DBNL: variants seen among roughly 807,000 people sequenced by gnomAD.
DBNL encodes drebrin like, also known as drebrin-like protein.
In DBNL, 35 loss-of-function variants were observed where a neutral mutation model predicts 62.2. The ratio of observed to expected loss-of-function variants is 0.56; its 90% CI spans 0.43 to 0.75. DBNL has a LOEUF of 0.75. DBNL is among the 30% of genes least tolerant of loss of function. The probability of loss-of-function intolerance (pLI) is 0.00; values close to 1 mark genes in which losing one functional copy is unlikely to be tolerated. For synonymous variants in DBNL, 197 were observed against 218.0 expected (o/e 0.90, Z 0.85); for missense variants, 495 against 578.4 (o/e 0.86, Z 1.48).
intron 1 of DBNL, among the ~76,000 whole-genome samples, chr7:44,045,378 C>T (rs967695037): frequency 1.3e-5 from 2 of 152,242 alleles, no homozygotes; most frequent in Non-Finnish European, 2.9e-5. Flanking sequence ...GACTTCAGAA[C>T]TTTCGTTTCT....
rs947777643 is a variant in DBNL, at chr7:44,065,875, C to G, written c.*4959C>G. 2.3e-6 allele frequency: 1 copy of G among 437,190 alleles called. No individual in the cohort carries two copies. The highest frequency in any genetic ancestry group is 4.3e-6 in the Non-Finnish European group (1 of 233,722). 27.1% of individuals were successfully genotyped at this position (437,190 alleles called of 1,614,324 possible). On this transcript the variant is annotated 3_prime_UTR_variant, in exon 13 of 13. Coordinates refer to ENST00000448521, the MANE Select transcript of DBNL (RefSeq NM_001014436.3). ...TCTGGGCCAGGGGAGATGGGGATAG[C>G]AGGGACAGAGGGGCTCTCCAGGGCA... is the stretch of plus-strand genomic sequence containing the variant.
At chr7:44,045,434 C>T (rs535945918) in intron 1 of DBNL, among the ~76,000 whole-genome samples, 5 of 152,324 alleles carry the variant, frequency 3.3e-5, no homozygotes, top group Admixed American at 3.3e-4. Context: ...GGAAGATGTA[C>T]GAAAGTAGGA....
At chr7:44,055,921 C>A (rs2096135420) in intron 4 of DBNL, among the ~76,000 whole-genome samples, 1 of 152,078 alleles carries the variant, frequency 6.6e-6, no homozygotes, top group Admixed American at 6.6e-5. Context: ...TTGATGTAGT[C>A]CAATTGGTTG....
At position 44,065,759 on chromosome 7, in the gene DBNL, C is replaced by T. The variant is rs1186078682; in HGVS notation, c.*4843C>T. ...CCCCACGCATCCACCAGCTCCTGGCCTGGGTTCAGGTGGCATGTCTATAAC... is the reference window on the plus strand; with the variant it reads ...CCCCACGCATCCACCAGCTCCTGGCTTGGGTTCAGGTGGCATGTCTATAAC... On this transcript the variant is annotated 3_prime_UTR_variant, in exon 13 of 13. Coordinates refer to ENST00000448521, the MANE Select transcript of DBNL (RefSeq NM_001014436.3). 1.7e-6 allele frequency: 1 copy of T among 596,320 alleles called. No homozygotes were observed. The highest frequency in any genetic ancestry group is 3.0e-6 in the Non-Finnish European group (1 of 332,362). The allele number at this position is 596,320 out of a possible 1,614,324, so 36.9% of individuals were successfully genotyped here.
Position 44,061,027 on chromosome 7 carries a change from A to C in DBNL, c.*111A>C. ...TCTTCCAGGAATAGGACCCCCAGTG[A>C]GGATGAGGCCTCAGGGCTCCCTCCG... On this transcript the variant is annotated 3_prime_UTR_variant, in exon 13 of 13. Coordinates refer to ENST00000448521, the MANE Select transcript of DBNL (RefSeq NM_001014436.3). The C allele has an allele frequency of 1.4e-6, 2 of 1,426,082 alleles. No individual in the cohort carries two copies. The highest frequency in any genetic ancestry group is 1.9e-6 in the Non-Finnish European group (2 of 1,071,854). 88.3% of individuals were successfully genotyped at this position (1,426,082 alleles called of 1,614,324 possible).
In DBNL at chr7:44,061,401, AT is replaced by A. The variant is rs2096148854; in HGVS notation, c.*486del. The A allele has an allele frequency of 1.3e-5, 2 of 159,238 alleles. No individual in the cohort carries two copies. The highest frequency in any genetic ancestry group is 1.4e-5 in the Non-Finnish European group (1 of 71,640). The allele number at this position is 159,238 out of a possible 1,614,324, so 9.9% of individuals were successfully genotyped here. ...TTTGTGACCAAAGTCAGAGTGGATC[AT>A]GGTGGTTTGGCAGCAGGGAATTTGT... On this transcript the variant is annotated 3_prime_UTR_variant, in exon 13 of 13. Coordinates refer to ENST00000448521, the MANE Select transcript of DBNL (RefSeq NM_001014436.3).
At position 44,047,668 on chromosome 7, in the gene DBNL, G is replaced by T. The variant is rs1253574497; in HGVS notation, c.84-2557G>T. 2.0e-5 allele frequency among the ~76,000 whole-genome samples: 3 copies of T among 152,152 alleles called. No homozygotes were observed. The East Asian group carries it at 5.8e-4, about 29-fold the overall frequency. ...TAGGCTCTCAGTACTTATTTTCAAAGGCACTATTGAATTATAAGATGCTTG... is the reference window on the plus strand; with the variant it reads ...TAGGCTCTCAGTACTTATTTTCAAATGCACTATTGAATTATAAGATGCTTG... On this transcript the variant is annotated intron_variant, in intron 1 of 12. Transcript: ENST00000448521.
In DBNL at chr7:44,056,783, G is replaced by A. The variant is rs763419035; in HGVS notation, c.354G>A (p.Arg118=). Residue 118 remains arginine, a synonymous_variant, in exon 5 of 13, where the codon CGG becomes CGA. Transcript: ENST00000448521. ...GGGCCCATGTGACCATCAACGCACG[G>A]GCCGAGGAGGATGTGGAGCCTGAGT... ...LKGAHVTINA[R]AEEDVEPECI... 3.7e-6 allele frequency: 6 copies of A among 1,614,004 alleles called. No homozygotes were observed. In the South Asian group the frequency reaches 6.6e-5, roughly 18 times the overall value.
Position 44,064,793 on chromosome 7 carries a change from GCC to G in DBNL, c.*3879_*3880del. ...AGATGAGAAGCCAGCTGGGGCTGCT[GCC>G]CACCCACCCTGCCCAGGCTCCTGAA... On this transcript the variant is annotated 3_prime_UTR_variant, in exon 13 of 13. Coordinates refer to ENST00000448521, the MANE Select transcript of DBNL (RefSeq NM_001014436.3). 1 of 1,136,982 alleles carries G rather than the reference GCC, an allele frequency of 8.8e-7. No homozygotes were observed. The highest frequency in any genetic ancestry group is 1.3e-6 in the Non-Finnish European group (1 of 773,400). The allele number at this position is 1,136,982 out of a possible 1,614,324, so 70.4% of individuals were successfully genotyped here.
intron 1 of DBNL, among the ~76,000 whole-genome samples, chr7:44,048,019 T>G (rs138664857): frequency 0.014 from 2,122 of 149,248 alleles, 43 homozygotes; most frequent in South Asian, 0.1. Flanking sequence ...CAGGTTCAAG[T>G]GATTTTCCTG....
rs2096147881 is a variant in DBNL, at chr7:44,060,954, G to A, written c.*38G>A. ...ATCTTGCCCTTCCCCTCTCAGACATGGCTTCCTTATTGCTGGAAGAGGAGG... is the reference window on the plus strand; with the variant it reads ...ATCTTGCCCTTCCCCTCTCAGACATAGCTTCCTTATTGCTGGAAGAGGAGG... On this transcript the variant is annotated 3_prime_UTR_variant, in exon 13 of 13. Coordinates refer to ENST00000448521, the MANE Select transcript of DBNL (RefSeq NM_001014436.3). This position sits in a 1 kb window ranked among gnomAD's most constrained non-coding sequence, Gnocchi z 6.3. 3 of 1,601,080 alleles carry A rather than the reference G, an allele frequency of 1.9e-6. No individual in the cohort carries two copies. Among genetic ancestry groups the A allele is most frequent in the Admixed American group, 1.7e-5 (1 of 58,730 alleles).
intron 2 of DBNL, 196 bp from the exon 3 acceptor site, chr7:44,051,634 C>T (rs1358968269): frequency 1.2e-5 from 6 of 512,764 alleles, no homozygotes; most frequent in Middle Eastern, 5.2e-4. Flanking sequence ...TTCTAGGTCC[C>T]ACCCAGCTCT....
At position 44,050,240 on chromosome 7, in the gene DBNL, T is replaced by C. The variant is rs139937505; in HGVS notation, c.99T>C (p.Tyr33=). The C allele has an allele frequency of 5.6e-5, 90 of 1,613,696 alleles. No homozygotes were observed. The highest frequency in any genetic ancestry group is 6.9e-5 in the Non-Finnish European group (81 of 1,179,772). Residue 33 remains tyrosine, a synonymous_variant, in exon 2 of 13, where the codon TAT becomes TAC. Coordinates refer to ENST00000448521, the MANE Select transcript of DBNL (RefSeq NM_001014436.3). ...TTCGTTTCAGGGCTCTCTTTACCTA[T>C]GAAGGCAACAGCAATGACATCCGCG... ...KSPTDWALFT[Y]EGNSNDIRVA...
At position 44,065,099 on chromosome 7, in the gene DBNL, C is replaced by T; in HGVS notation, c.*4183C>T. 1 of 1,613,462 alleles carries T rather than the reference C, an allele frequency of 6.2e-7. No individual in the cohort carries two copies. ...CTCTGCAGCTTCCCAGAGGCCTTCC[C>T]AGCAAAGGCAGCCCACCTTGCTAAT... is the stretch of plus-strand genomic sequence containing the variant. On this transcript the variant is annotated 3_prime_UTR_variant, in exon 13 of 13. Transcript: ENST00000448521.
At position 44,061,224 on chromosome 7, in the gene DBNL, A is replaced by G; in HGVS notation, c.*308A>G. ...GAGTGGCCACTGCCAAGCTGCGGGG[A>G]AGGGTCCTGAGCAGGGGCATCTGGG... On this transcript the variant is annotated 3_prime_UTR_variant, in exon 13 of 13. Coordinates refer to ENST00000448521, the MANE Select transcript of DBNL (RefSeq NM_001014436.3). The G allele has an allele frequency of 2.5e-6, 1 of 399,892 alleles. No homozygotes were observed. The highest frequency in any genetic ancestry group is 2.9e-5 in the South Asian group (1 of 34,014). 24.8% of individuals were successfully genotyped at this position (399,892 alleles called of 1,614,324 possible).
chr7:44,062,632 G>A lies in DBNL; in HGVS notation c.*1716G>A. 1.1e-6 allele frequency: 1 copy of A among 872,842 alleles called. No individual in the cohort carries two copies. The highest frequency in any genetic ancestry group is 2.6e-5 in the East Asian group (1 of 37,862). 54.1% of individuals were successfully genotyped at this position (872,842 alleles called of 1,614,324 possible). ...CTGCCCCTGGTGACACACGTATGGA[G>A]TGGGGGAGGGTGGGTGGCTGCACCC... On this transcript the variant is annotated 3_prime_UTR_variant, in exon 13 of 13. Transcript: ENST00000448521.
At position 44,059,343 on chromosome 7, in the gene DBNL, C is replaced by G. The variant is rs199939274; in HGVS notation, c.836-11C>G. ...TTCTGAAGTGATGTATATATTTACCCGGGTTTGCAGGCAAGCTGAGGAGCC... is the reference window on the plus strand; with the variant it reads ...TTCTGAAGTGATGTATATATTTACCGGGGTTTGCAGGCAAGCTGAGGAGCC... On this transcript the variant is annotated splice_polypyrimidine_tract_variant and intron_variant, in intron 9 of 12. Transcript: ENST00000448521. The surrounding 1 kb of genome is among the most constrained non-coding windows in gnomAD (Gnocchi z 4.1). 6.2e-7 allele frequency: 1 copy of G among 1,613,566 alleles called. No individual in the cohort carries two copies. Among genetic ancestry groups the G allele is most frequent in the East Asian group, 2.2e-5 (1 of 44,862 alleles).
In DBNL at chr7:44,062,709, C is replaced by G. The variant is rs544403891; in HGVS notation, c.*1793C>G. The G allele has an allele frequency of 3.1e-6, 5 of 1,590,082 alleles. No homozygotes were observed. The South Asian group carries it at 4.5e-5, about 14-fold the overall frequency. ...GGCGGTGTGAGCCTGGCATGCACGG[C>G]TGCGCTGGACTCCAGGCTGTTGGGG... is the stretch of plus-strand genomic sequence containing the variant. On this transcript the variant is annotated 3_prime_UTR_variant, in exon 13 of 13. Coordinates refer to ENST00000448521, the MANE Select transcript of DBNL (RefSeq NM_001014436.3).
At position 44,065,866 on chromosome 7, in the gene DBNL, T is replaced by C. The variant is rs1325571852; in HGVS notation, c.*4950T>C. ...GGGCAGAAGTCTGGGCCAGGGGAGA[T>C]GGGGATAGCAGGGACAGAGGGGCTC... On this transcript the variant is annotated 3_prime_UTR_variant, in exon 13 of 13. Coordinates refer to ENST00000448521, the MANE Select transcript of DBNL (RefSeq NM_001014436.3). 2.2e-6 allele frequency: 1 copy of C among 452,810 alleles called. No homozygotes were observed. The allele number at this position is 452,810 out of a possible 1,614,324, so 28.0% of individuals were successfully genotyped here.
Sources: allele counts gnomAD v4.1 joint callset (sites outside exome capture counted in the v4.1 genomes callset), GRCh38; gene constraint gnomAD v4.1.1; non-coding constraint Gnocchi (gnomAD v3.1); transcripts MANE v1.5; gene names NCBI Gene and HGNC (gene_info 2026-07-23, HGNC 2026-07-21).